Variants in ZGRF1 observed in about 807,000 individuals in gnomAD.
The protein encoded by ZGRF1 is zinc finger GRF-type containing 1, also known as 5'-3' DNA helicase ZGRF1.
A neutral mutation model predicts 203.5 loss-of-function variants in ZGRF1; 196 were observed. That is an observed-to-expected ratio of 0.96 (90% confidence interval 0.86 to 1.08). The LOEUF (loss-of-function observed/expected upper bound fraction) is 1.08, where lower values mean the gene tolerates loss of function less well. Among genes scored for constraint, ZGRF1 ranks in the 50% least tolerant of loss-of-function variants. The pLI is 0.00. For synonymous variants in ZGRF1, 809 were observed against 841.3 expected, an observed-to-expected ratio of 0.96 and a Z score of 0.66; for missense variants, 2,326 against 2,416.3, an observed-to-expected ratio of 0.96 and a Z score of 0.78.
intron 18 of ZGRF1, among the ~76,000 whole-genome samples, chr4:112,561,733 T>G (rs1742016401): frequency 6.6e-6 from 1 of 152,216 alleles, no homozygotes; most frequent in East Asian, 1.9e-4. Flanking sequence ...GGATTCCAGC[T>G]GTAAAATGAT....
intron 8 of ZGRF1, among the ~76,000 whole-genome samples, chr4:112,606,442 A>G (rs1317020282): frequency 6.6e-6 from 1 of 152,204 alleles, no homozygotes; most frequent in Non-Finnish European, 1.5e-5. Context: ...CAGGCAGATC[A>G]CCTCAGGTCA....
At chr4:112,559,215 T>C (rs1741489358) in intron 19 of ZGRF1, among the ~76,000 whole-genome samples, 1 of 152,162 alleles carries the variant, frequency 6.6e-6, no homozygotes, top group African/African-American at 2.4e-5. Context: ...TTGTTTTGTT[T>C]TGAGACAGGG....
chr4:112,619,527 A>G lies in ZGRF1; in HGVS notation c.515T>C (p.Ile172Thr), dbSNP rs748685642. 6.2e-7 allele frequency: 1 copy of G among 1,613,972 alleles called. No individual in the cohort carries two copies. Among genetic ancestry groups the G allele is most frequent in the Non-Finnish European group, 8.5e-7 (1 of 1,179,988 alleles). Residue 172 changes from isoleucine (I) to threonine (T), a missense_variant, in exon 6 of 28, where the codon ATA (isoleucine) becomes ACA (threonine). Physicochemically the swap from Ile to Thr is moderately conservative, Grantham distance 89. Coordinates refer to ENST00000505019, the MANE Select transcript of ZGRF1 (RefSeq NM_018392.5). ...PTVGKKDVNNILADPENIVTY... is the reference protein window; with the variant it reads ...PTVGKKDVNNTLADPENIVTY... The stretch of plus-strand genomic sequence containing the variant: ...CACAATGTTCTCAGGGTCTGCCAGT[A>G]TATTATTTACATCTTTCTTGCCAAC...
intron 10 of ZGRF1, 74 bp downstream of exon 10, chr4:112,603,450 T>C (rs1338141223): frequency 6.7e-6 from 7 of 1,043,948 alleles, no homozygotes; most frequent in South Asian, 1.6e-5. Context: ...TAAACAACTA[T>C]ACTATTTTCA....
At position 112,603,432 on chromosome 4, in the gene ZGRF1, T is replaced by C. The variant is rs1282964652; in HGVS notation, c.2976+92A>G. On this transcript the variant is annotated intron_variant, in intron 10 of 27. Transcript: ENST00000505019. Reference sequence around the variant, plus strand: ...ATTTACTGTACTCCTTTTTAACTTATAACTGTATAAACAACTATACTATTT... The same window carrying C: ...ATTTACTGTACTCCTTTTTAACTTACAACTGTATAAACAACTATACTATTT... 1.1e-5 allele frequency: 9 copies of C among 813,910 alleles called. No homozygotes were observed. The highest frequency in any genetic ancestry group is 2.2e-5 in the South Asian group (1 of 45,866). 50.4% of individuals were successfully genotyped at this position (813,910 alleles called of 1,614,324 possible). A position where few individuals can be genotyped will look rare whatever the true frequency, so the allele number is the denominator to read the frequency against.
chr4:112,548,361 G>T lies in ZGRF1; in HGVS notation c.5366C>A (p.Thr1789Asn). The T allele has an allele frequency of 6.4e-7, 1 of 1,554,392 alleles. No homozygotes were observed. The highest frequency in any genetic ancestry group is 8.7e-7 in the Non-Finnish European group (1 of 1,148,346). ...GCATGGGAATGGGCAGGCTGCACAGGTAACTCCAACTACTCGAACCTTTAT... is the reference window on the plus strand; with the variant it reads ...GCATGGGAATGGGCAGGCTGCACAGTTAACTCCAACTACTCGAACCTTTAT... ...LLKQVRVVGVTCAACPFPCMN... is the reference protein window; with the variant it reads ...LLKQVRVVGVNCAACPFPCMN... Residue 1789 changes from threonine to asparagine, a missense_variant, in exon 23 of 28, where the codon ACC (threonine) becomes AAC (asparagine). By Grantham distance (65) the Thr-to-Asn change is moderately conservative. Coordinates refer to ENST00000505019, the MANE Select transcript of ZGRF1 (RefSeq NM_018392.5).
chr4:112,556,687 TTAAG>T (rs1225167278), intron 20 of ZGRF1, among the ~76,000 whole-genome samples: 1 of 152,056 alleles, frequency 6.6e-6, no homozygotes, highest in Non-Finnish European at 1.5e-5. Context: ...AGCCAACCTT[TTAAG>T]TAAGAAAAGC....
intron 7 of ZGRF1, among the ~76,000 whole-genome samples, chr4:112,611,213 G>T (rs536057828): frequency 6.6e-6 from 1 of 152,120 alleles, no homozygotes; most frequent in Admixed American, 6.6e-5. Flanking sequence ...GACCAGCCTG[G>T]CCAACATGGT....
chr4:112,554,849 AC>A (rs1740648129), intron 20 of ZGRF1, 67 bp from the exon 21 acceptor site: 2 of 785,742 alleles, frequency 2.5e-6, no homozygotes, highest in Non-Finnish European at 4.1e-6. Context: ...TCATATAATA[AC>A]TGTTACTACA....
At position 112,560,822 on chromosome 4, in the gene ZGRF1, A is replaced by G. The variant is rs763886440; in HGVS notation, c.4871T>C (p.Ile1624Thr). ...TGATGCCATCATTTGAGCTATTTGAATTAGAGCTGTAGCTTGATCCTTGTT... is the reference window on the plus strand; with the variant it reads ...TGATGCCATCATTTGAGCTATTTGAGTTAGAGCTGTAGCTTGATCCTTGTT... ...KLNKDQATAL[I>T]QIAQMMASHE... The change falls in exon 19 of 28, where the codon ATT (isoleucine) becomes ACT (threonine). Residue 1624 changes from isoleucine to threonine, a missense_variant. Physicochemically the swap from Ile to Thr is moderately conservative, Grantham distance 89. Coordinates refer to ENST00000505019, the MANE Select transcript of ZGRF1 (RefSeq NM_018392.5). 3.1e-6 allele frequency: 5 copies of G among 1,613,426 alleles called. No individual in the cohort carries two copies. The highest frequency in any genetic ancestry group is 1.7e-5 in the Admixed American group (1 of 60,024).
chr4:112,613,698 G>T (rs187245648), intron 6 of ZGRF1, among the ~76,000 whole-genome samples: 13 of 152,156 alleles, frequency 8.5e-5, no homozygotes, highest in Admixed American at 2.0e-4. Flanking sequence ...CAGCAGAAAA[G>T]TTGGCAAGCC....
At chr4:112,565,934 G>A (rs535223065) in intron 16 of ZGRF1, among the ~76,000 whole-genome samples, 1 of 152,334 alleles carries the variant, frequency 6.6e-6, no homozygotes, top group East Asian at 1.9e-4. Context: ...GGAAGTCAGT[G>A]TGGTGATTCC....
chr4:112,570,812 T>C (rs1744068392), intron 16 of ZGRF1, among the ~76,000 whole-genome samples: 2 of 151,516 alleles, frequency 1.3e-5, no homozygotes, highest in Middle Eastern at 3.4e-3. Context: ...TCAGCAAAAA[T>C]AGAGTGGTAG....
At chr4:112,544,741 C>T (rs533028592) in intron 24 of ZGRF1, among the ~76,000 whole-genome samples, 44 of 152,294 alleles carry the variant, frequency 2.9e-4, no homozygotes, top group South Asian at 6.2e-4. Context: ...AAACAGTGTT[C>T]TCTCTTTCTC....
Position 112,578,658 on chromosome 4 carries a change from C to T in ZGRF1, c.4438+3005G>A, listed in dbSNP as rs1337347652. 1.8e-4 allele frequency among the ~76,000 whole-genome samples: 22 copies of T among 123,522 alleles called. 5 individuals carry two copies. Among genetic ancestry groups the T allele is most frequent in the African/African-American group, 6.2e-4 (22 of 35,710 alleles). The allele number at this position is 123,522 out of a possible 152,430, so 81.0% of individuals were successfully genotyped here. A position where few individuals can be genotyped will look rare whatever the true frequency, so the allele number is the denominator to read the frequency against. On this transcript the variant is annotated intron_variant, in intron 16 of 27. Coordinates refer to ENST00000505019, the MANE Select transcript of ZGRF1 (RefSeq NM_018392.5). ...CTATAAACACCTCTACGCAAATAAA[C>T]TAGAACATCTAGAAGAAATGGATAA...
In ZGRF1 at chr4:112,560,859, C is replaced by T. The variant is rs781536904; in HGVS notation, c.4834G>A (p.Val1612Ile). Residue 1612 changes from valine to isoleucine, a missense_variant, in exon 19 of 28, where the codon GTA becomes ATA. Transcript: ENST00000505019. ...GCTTGATCCTTGTTTAACTTGTGTACCTGAATCAACTCACTAGCTAACTTC... is the reference window on the plus strand; with the variant it reads ...GCTTGATCCTTGTTTAACTTGTGTATCTGAATCAACTCACTAGCTAACTTC... ...TLKLASELIQ[V>I]HKLNKDQATA... 1.9e-6 allele frequency: 3 copies of T among 1,613,722 alleles called. No individual in the cohort carries two copies. The highest frequency in any genetic ancestry group is 2.5e-6 in the Non-Finnish European group (3 of 1,179,764).
chr4:112,623,427 T>C (rs1321811260), intron 4 of ZGRF1, among the ~76,000 whole-genome samples: 1 of 152,206 alleles, frequency 6.6e-6, no homozygotes, highest in Admixed American at 6.5e-5. Context: ...GAGAATATTA[T>C]ACTTAAATGA....
At chr4:112,589,283 G>T (rs1350129855) in intron 11 of ZGRF1, among the ~76,000 whole-genome samples, 7 of 152,178 alleles carry the variant, frequency 4.6e-5, no homozygotes, top group Non-Finnish European at 1.0e-4. Context: ...TCCTAGGAAT[G>T]CAAGGGTGGT....
intron 10 of ZGRF1, among the ~76,000 whole-genome samples, chr4:112,600,088 G>A (rs1250756026): frequency 2.6e-5 from 4 of 152,080 alleles, no homozygotes; most frequent in Non-Finnish European, 5.9e-5. Context: ...ACCCAGTGTG[G>A]TGGCATGATC....
Sources: allele counts gnomAD v4.1 joint callset (sites outside exome capture counted in the v4.1 genomes callset), GRCh38; gene constraint gnomAD v4.1.1; transcripts MANE v1.5; gene names NCBI Gene and HGNC (gene_info 2026-07-23, HGNC 2026-07-21).